The following TACR1 variants were observed in gnomAD, a reference collection of about 807,000 sequenced individuals.
TACR1 encodes the protein substance-P receptor.
A neutral mutation model predicts 35.8 loss-of-function variants in TACR1; 25 were observed. The observed-to-expected ratio is 0.70, with a 90% CI of 0.51 to 0.98. The LOEUF is 0.98. TACR1 is among the 50% of genes least tolerant of loss of function. The pLI, the probability that TACR1 is intolerant of heterozygous loss-of-function variation, is 0.00. For synonymous variants in TACR1, 195 were observed against 206.7 expected (o/e 0.94, Z 0.48); for missense variants, 478 against 522.9 (o/e 0.91, Z 0.84).
In TACR1 at chr2:75,160,320, G is replaced by A. The variant is rs369781486; in HGVS notation, c.389+38226C>T. 2.0e-5 allele frequency among the ~76,000 whole-genome samples: 3 copies of A among 151,798 alleles called. No homozygotes were observed. The East Asian group carries it at 5.8e-4, about 29-fold the overall frequency. ...AAGGAGGGGAACATAATGCTCAAAA[G>A]GCAGAAAAAAACAGTTTTGAAAGAA... On this transcript the variant is annotated intron_variant, in intron 1 of 4. Coordinates refer to ENST00000305249, the MANE Select transcript of TACR1 (RefSeq NM_001058.4).
At chr2:75,151,528 T>C (rs1299595770) in intron 1 of TACR1, among the ~76,000 whole-genome samples, 4 of 152,172 alleles carry the variant, frequency 2.6e-5, no homozygotes, top group Non-Finnish European at 4.4e-5. Context: ...AGAATTGAGA[T>C]TTGGGAACCT....
chr2:75,132,650 C>G (rs1320767461), intron 1 of TACR1, among the ~76,000 whole-genome samples: 1 of 152,158 alleles, frequency 6.6e-6, no homozygotes, highest in Admixed American at 6.5e-5. Context: ...GTTTTATGCT[C>G]ACTGCATACT....
rs1023805314 is a variant in TACR1 at position 75,046,901 on chromosome 2, C to T, written c.*2531G>A. 6.6e-6 allele frequency: 1 copy of T among 152,212 alleles called. No homozygotes were observed. Among genetic ancestry groups the T allele is most frequent in the African/African-American group, 2.4e-5 (1 of 41,448 alleles). 9.4% of individuals were successfully genotyped at this position (152,212 alleles called of 1,614,324 possible). A position where few individuals can be genotyped will look rare whatever the true frequency, so the allele number is the denominator to read the frequency against. On this transcript the variant is annotated 3_prime_UTR_variant, in exon 5 of 5. Transcript: ENST00000305249. ...CTTGATATTTCATATTCTATTACTA[C>T]TGGACATTACACCAAGTAAACACAC...
At chr2:75,089,933 A>G (rs1214200617) in intron 2 of TACR1, among the ~76,000 whole-genome samples, 1 of 152,218 alleles carries the variant, frequency 6.6e-6, no homozygotes, top group Non-Finnish European at 1.5e-5. Context: ...AAATAAATGC[A>G]CCAGCAGCTC....
intron 2 of TACR1, among the ~76,000 whole-genome samples, chr2:75,073,346 G>C (rs939312116): frequency 6.6e-6 from 1 of 152,242 alleles, no homozygotes; most frequent in Non-Finnish European, 1.5e-5. Flanking sequence ...ATTTCTAAGA[G>C]GAGAAGAATG....
intron 2 of TACR1, among the ~76,000 whole-genome samples, chr2:75,111,426 G>A (rs943758517): frequency 6.6e-6 from 1 of 151,980 alleles, no homozygotes. Context: ...TCAAAAGAAG[G>A]ATTCCACAAT....
At chr2:75,185,942 T>G (rs907197502) in intron 1 of TACR1, among the ~76,000 whole-genome samples, 1 of 152,208 alleles carries the variant, frequency 6.6e-6, no homozygotes, top group African/African-American at 2.4e-5. Context: ...AGGGATTATT[T>G]AAATTACGAT....
chr2:75,082,534 CCCA>C (rs1359079346), intron 2 of TACR1, among the ~76,000 whole-genome samples: 1 of 152,200 alleles, frequency 6.6e-6, no homozygotes, highest in Non-Finnish European at 1.5e-5. Context: ...AGTTTACAGT[CCCA>C]CCAACAGTGT....
intron 1 of TACR1, among the ~76,000 whole-genome samples, chr2:75,146,167 G>T (rs1285293068): frequency 6.6e-6 from 1 of 152,130 alleles, no homozygotes; most frequent in Non-Finnish European, 1.5e-5. Context: ...CTGTCGCCCA[G>T]TCTGGAGTGC....
intron 1 of TACR1, among the ~76,000 whole-genome samples, chr2:75,129,482 G>A (rs893995572): frequency 6.6e-6 from 1 of 152,116 alleles, no homozygotes; most frequent in African/African-American, 2.4e-5. Context: ...TCGTTGAATG[G>A]ATTTTGAATG....
chr2:75,144,573 C>T (rs1398979999), intron 1 of TACR1, among the ~76,000 whole-genome samples: 3 of 152,134 alleles, frequency 2.0e-5, no homozygotes, highest in African/African-American at 7.2e-5. Context: ...TGAAGAAACT[C>T]ATCCGAAGAA....
At chr2:75,136,899 A>C (rs1283705820) in intron 1 of TACR1, among the ~76,000 whole-genome samples, 1 of 152,186 alleles carries the variant, frequency 6.6e-6, no homozygotes, top group African/African-American at 2.4e-5. Context: ...ATGATGGCAG[A>C]GCAGAATGCC....
chr2:75,145,028 AAC>A (rs1192090279), intron 1 of TACR1, among the ~76,000 whole-genome samples: 1 of 152,180 alleles, frequency 6.6e-6, no homozygotes, highest in Admixed American at 6.5e-5. Flanking sequence ...GGAATGTATT[AAC>A]ACAGCCTGAG....
chr2:75,190,123 A>G (rs1342142345), intron 1 of TACR1, among the ~76,000 whole-genome samples: 1 of 152,256 alleles, frequency 6.6e-6, no homozygotes, highest in African/African-American at 2.4e-5. Context: ...CAAAGGCTAA[A>G]AAACACTGTA....
At chr2:75,092,789 G>A (rs1232086220) in intron 2 of TACR1, among the ~76,000 whole-genome samples, 1 of 152,118 alleles carries the variant, frequency 6.6e-6, no homozygotes, top group African/African-American at 2.4e-5. Context: ...ACTTGGAATT[G>A]CCTCACCCAG....
Position 75,198,990 on chromosome 2 carries a change from A to G in TACR1, c.-56T>C, listed in dbSNP as rs888004125. The G allele has an allele frequency of 4.4e-6, 7 of 1,574,378 alleles. No homozygotes were observed. In the African/African-American group the frequency reaches 9.5e-5, roughly 21 times the overall value. On this transcript the variant is annotated 5_prime_UTR_variant, in exon 1 of 5. Coordinates refer to ENST00000305249, the MANE Select transcript of TACR1 (RefSeq NM_001058.4). ...TGTACACAACCCCCCTCTGCAGCAG[A>G]GTCCTGTGGCTGGCGCCTGGGGCTC... is the stretch of plus-strand genomic sequence containing the variant.
intron 1 of TACR1, among the ~76,000 whole-genome samples, chr2:75,192,792 T>C (rs1254607862): frequency 6.6e-6 from 1 of 152,178 alleles, no homozygotes; most frequent in Non-Finnish European, 1.5e-5. Flanking sequence ...AGAATCCTCA[T>C]TGGCATGATG....
At chr2:75,117,792 A>G (rs569147907) in intron 2 of TACR1, among the ~76,000 whole-genome samples, 91 of 152,358 alleles carry the variant, frequency 6.0e-4, no homozygotes, top group African/African-American at 2.2e-3. Flanking sequence ...CTATTTTATA[A>G]TAAAGTGTTG....
At chr2:75,146,356 CA>C (rs1674512635) in intron 1 of TACR1, among the ~76,000 whole-genome samples, 2 of 152,168 alleles carry the variant, frequency 1.3e-5, no homozygotes, top group Admixed American at 1.3e-4. Flanking sequence ...CTCCTGACCT[CA>C]GGCGATCTGC....
Sources: gnomAD v4.1 joint callset for allele counts (sites outside exome capture counted in the v4.1 genomes callset) on GRCh38, gnomAD v4.1.1 for gene constraint, MANE v1.5 for transcripts, NCBI Gene and HGNC (gene_info 2026-07-23, HGNC 2026-07-21) for gene names.